The following CLIP4 variants were observed in gnomAD, a reference collection of about 807,000 sequenced individuals.
CLIP4 encodes the protein CAP-Gly domain containing linker protein family member 4.
Under a neutral mutation model 73.1 loss-of-function variants are expected in CLIP4, and 47 were observed. That is an observed-to-expected ratio of 0.64 (90% confidence interval 0.51 to 0.82). The LOEUF is 0.82. Among genes scored for constraint, CLIP4 ranks in the 40% least tolerant of loss-of-function variants. The pLI is 0.00. For synonymous variants in CLIP4, 306 were observed against 295.4 expected (o/e 1.04, Z -0.37); for missense variants, 874 against 852.9 (o/e 1.02, Z -0.31).
intron 1 of CLIP4, among the ~76,000 whole-genome samples, chr2:29,101,285 T>C (rs78146735): frequency 1.7e-4 from 25 of 143,718 alleles, no homozygotes; most frequent in African/African-American, 4.9e-4. Flanking sequence ...CTTTTTTTTT[T>C]TCCCCCCCCC....
intron 5 of CLIP4, 127 bp from the exon 6 acceptor site, chr2:29,135,421 G>C: frequency 2.0e-6 from 1 of 502,878 alleles, no homozygotes; most frequent in Non-Finnish European, 3.4e-6. Context: ...GTGAAATCAT[G>C]CCTCTAGTGG....
chr2:29,154,765 G>C (rs1320911046), intron 9 of CLIP4, among the ~76,000 whole-genome samples: 2 of 152,118 alleles, frequency 1.3e-5, no homozygotes, highest in African/African-American at 4.8e-5. Flanking sequence ...ACCACTGCTT[G>C]GGTCCCAGCC....
At chr2:29,132,323 T>C in intron 4 of CLIP4, 78 bp downstream of exon 4, 1 of 1,197,042 alleles carries the variant, frequency 8.4e-7, no homozygotes, top group Non-Finnish European at 1.2e-6. Context: ...TGCCCATATA[T>C]TGTCTGGGGG....
intron 2 of CLIP4, among the ~76,000 whole-genome samples, chr2:29,129,773 A>ACT (rs1664845297): frequency 6.6e-6 from 1 of 152,040 alleles, no homozygotes; most frequent in Admixed American, 6.5e-5. Context: ...CTTCAAGGGC[A>ACT]CTCCCAAAGG....
chr2:29,141,043 T>A (rs1319593600), intron 6 of CLIP4, among the ~76,000 whole-genome samples: 1 of 151,974 alleles, frequency 6.6e-6, no homozygotes, highest in African/African-American at 2.4e-5. Flanking sequence ...TTCATTTGTT[T>A]CAAAGGATTT....
chr2:29,140,179 T>C (rs1665661724), intron 6 of CLIP4, among the ~76,000 whole-genome samples: 1 of 152,150 alleles, frequency 6.6e-6, no homozygotes, highest in Non-Finnish European at 1.5e-5. Flanking sequence ...GCTGCACCCA[T>C]TAACTCGTCG....
At chr2:29,166,500 C>G (rs573727738) in intron 13 of CLIP4, among the ~76,000 whole-genome samples, 1 of 150,344 alleles carries the variant, frequency 6.7e-6, no homozygotes, top group South Asian at 2.1e-4. Context: ...TAGGAAAACT[C>G]ACTGACTAGG....
At chr2:29,122,206 C>T (rs1007233029) in intron 2 of CLIP4, among the ~76,000 whole-genome samples, 4 of 148,208 alleles carry the variant, frequency 2.7e-5, no homozygotes, top group African/African-American at 5.0e-5. Context: ...TAGTCATATT[C>T]GTTGTAGTAT....
chr2:29,111,164 T>C (rs1668378371), upstream of CLIP4, among the ~76,000 whole-genome samples: 1 of 152,226 alleles, frequency 6.6e-6, no homozygotes. Flanking sequence ...CACTGCCAGG[T>C]TGATCTGCAG....
chr2:29,150,135 A>G (rs1276354896), intron 8 of CLIP4, among the ~76,000 whole-genome samples: 2 of 152,218 alleles, frequency 1.3e-5, no homozygotes, highest in Non-Finnish European at 2.9e-5. Flanking sequence ...CATCCTAGGC[A>G]ATTCCACCCA....
At chr2:29,156,499 A>C in intron 10 of CLIP4, 56 bp downstream of exon 10, 1 of 1,261,308 alleles carries the variant, frequency 7.9e-7, no homozygotes, top group Non-Finnish European at 1.1e-6. Context: ...GGAACTTTAA[A>C]ATATGGTAGG....
At position 29,182,025 on chromosome 2, in the gene CLIP4, A is replaced by G; in HGVS notation, c.*132A>G. ...TTATCTTCTTAAAAACCATTATAAC[A>G]ATTCAGAGAGAGTTCTTTACAAAGC... On this transcript the variant is annotated 3_prime_UTR_variant, in exon 16 of 16. Coordinates refer to ENST00000320081, the MANE Select transcript of CLIP4 (RefSeq NM_024692.6). 1 of 703,206 alleles carries G rather than the reference A, an allele frequency of 1.4e-6. No individual in the cohort carries two copies. The allele number at this position is 703,206 out of a possible 1,614,324, so 43.6% of individuals were successfully genotyped here. A position where few individuals can be genotyped will look rare whatever the true frequency, so the allele number is the denominator to read the frequency against.
At chr2:29,132,657 T>C (rs1332407689) in intron 4 of CLIP4, 2 of 160,398 alleles carry the variant, frequency 1.2e-5, no homozygotes, top group African/African-American at 2.4e-5. Context: ...AAAATTGTTA[T>C]TCTCTTGTGC....
At chr2:29,106,007 T>C (rs1404468179) in intron 1 of CLIP4, among the ~76,000 whole-genome samples, 1 of 152,220 alleles carries the variant, frequency 6.6e-6, no homozygotes, top group Non-Finnish European at 1.5e-5. Flanking sequence ...TGAACTTTTC[T>C]GCCTCTTAAG....
Position 29,163,782 on chromosome 2 carries a change from G to C in CLIP4, c.1535-49G>C, listed in dbSNP as rs183758331. 2.3e-3 allele frequency: 3,533 copies of C among 1,562,524 alleles called. 5 individuals carry two copies. Among genetic ancestry groups the C allele is most frequent in the Non-Finnish European group, 2.8e-3 (3,287 of 1,156,166 alleles). ...TTTGGTTTTGTATAGTAGCATAAGA[G>C]TTTTGGATAAAGTACAGATGCTTTT... On this transcript the variant is annotated intron_variant, in intron 12 of 15. Transcript: ENST00000320081.
intron 2 of CLIP4, 28 bp from the exon 3 acceptor site, chr2:29,131,230 A>G: frequency 1.3e-6 from 2 of 1,535,482 alleles, no homozygotes; most frequent in Non-Finnish European, 1.8e-6. Context: ...CTTTTAGTAA[A>G]TTTAATTTGC....
At chr2:29,132,021 T>A in intron 3 of CLIP4, 131 bp from the exon 4 acceptor site, 1 of 640,346 alleles carries the variant, frequency 1.6e-6, no homozygotes, top group South Asian at 2.0e-5. Flanking sequence ...TAAGATATGC[T>A]CATACTGTCT....
At chr2:29,173,001 A>G (rs564213008) in intron 14 of CLIP4, among the ~76,000 whole-genome samples, 115 of 152,264 alleles carry the variant, frequency 7.6e-4, no homozygotes, top group Non-Finnish European at 1.2e-3. Context: ...TAAATAATTC[A>G]GTATCTAAAG....
In CLIP4 at chr2:29,174,605, C is replaced by A. The variant is rs566700776; in HGVS notation, c.1796+160C>A. On this transcript the variant is annotated intron_variant, in intron 15 of 15. Coordinates refer to ENST00000320081, the MANE Select transcript of CLIP4 (RefSeq NM_024692.6). ...AGTGTATTGAGAAGCGTTCTTCCTCCCTCCTTTGCAAGCGCAATTAAAAAT... is the reference window on the plus strand; with the variant it reads ...AGTGTATTGAGAAGCGTTCTTCCTCACTCCTTTGCAAGCGCAATTAAAAAT... The A allele has an allele frequency of 2.2e-5, 30 of 1,351,974 alleles. No homozygotes were observed. In the African/African-American group the frequency reaches 4.2e-4, roughly 19 times the overall value. 83.7% of individuals were successfully genotyped at this position (1,351,974 alleles called of 1,614,324 possible). A position where few individuals can be genotyped will look rare whatever the true frequency, so the allele number is the denominator to read the frequency against.
Sources: gnomAD v4.1 joint callset for allele counts (sites outside exome capture counted in the v4.1 genomes callset) on GRCh38, gnomAD v4.1.1 for gene constraint, MANE v1.5 for transcripts, NCBI Gene and HGNC (gene_info 2026-07-23, HGNC 2026-07-21) for gene names.